Variants in AGPAT3 observed in about 807,000 individuals in gnomAD.
AGPAT3 encodes 1-acyl-sn-glycerol-3-phosphate acyltransferase gamma.
Under a neutral mutation model 47.3 loss-of-function variants are expected in AGPAT3, and 5 were observed. The ratio of observed to expected loss-of-function variants is 0.11; its 90% CI spans 0.06 to 0.22. AGPAT3 has a LOEUF of 0.22. Ranked by LOEUF, AGPAT3 falls within the 10% of genes least tolerant of loss-of-function variation. The pLI, the probability that AGPAT3 is intolerant of heterozygous loss-of-function variation, is 1.00. For missense variants in AGPAT3, 315 were observed against 493.0 expected (o/e 0.64, Z 3.42); for synonymous variants, 212 against 208.3 (o/e 1.02, Z -0.15).
intron 4 of AGPAT3, among the ~76,000 whole-genome samples, chr21:43,968,752 T>G (rs1033394460): frequency 1.3e-5 from 2 of 152,086 alleles, no homozygotes; most frequent in African/African-American, 4.8e-5. Flanking sequence ...TTCCGTTAGC[T>G]AAGCTGCCTC....
At chr21:43,923,942 C>T (rs1180623805) in intron 2 of AGPAT3, among the ~76,000 whole-genome samples, 2 of 152,198 alleles carry the variant, frequency 1.3e-5, no homozygotes, top group African/African-American at 2.4e-5. Flanking sequence ...CGCAAGTCTC[C>T]TGTCACTCAG....
intron 2 of AGPAT3, among the ~76,000 whole-genome samples, chr21:43,959,419 G>A (rs1205226741): frequency 1.4e-5 from 2 of 144,292 alleles, no homozygotes; most frequent in Non-Finnish European, 3.1e-5. Context: ...TGTGTGGTTT[G>A]TGGTGTGTGG....
At chr21:43,888,197 A>T (rs903914836) in intron 1 of AGPAT3, among the ~76,000 whole-genome samples, 2 of 151,682 alleles carry the variant, frequency 1.3e-5, no homozygotes, top group African/African-American at 2.4e-5. Flanking sequence ...ACACCACCAC[A>T]CCCAGCTAAT....
At chr21:43,980,541 G>A (rs938367479) in intron 8 of AGPAT3, among the ~76,000 whole-genome samples, 4 of 152,232 alleles carry the variant, frequency 2.6e-5, no homozygotes, top group Non-Finnish European at 5.9e-5. Context: ...CGAGGTATGC[G>A]AGGTTAAGGA....
chr21:43,968,424 G>A (rs1233837938), intron 4 of AGPAT3, among the ~76,000 whole-genome samples: 1 of 151,644 alleles, frequency 6.6e-6, no homozygotes, highest in Non-Finnish European at 1.5e-5. Flanking sequence ...GGCGGGTGCT[G>A]GGGTGAGCAA....
In AGPAT3 at chr21:43,932,337, C is replaced by T. The variant is rs987809176; in HGVS notation, c.-48-27297C>T. On this transcript the variant is annotated intron_variant, in intron 2 of 9. Transcript: ENST00000291572. The surrounding 1 kb of genome is among the most constrained non-coding windows in gnomAD (Gnocchi z 5.2). ...GGTGAGACCTCCGTTTCCGATTCCT[C>T]GTGTGAGTGAGGTCGTGCAGGACTT... Among the ~76,000 whole-genome samples the T allele has an allele frequency of 3.3e-5, 5 of 152,286 alleles. No individual in the cohort carries two copies. Among genetic ancestry groups the T allele is most frequent in the East Asian group, 1.9e-4 (1 of 5,188 alleles).
In AGPAT3 at chr21:43,986,526, G is replaced by A. The variant is rs2030315870; in HGVS notation, c.*4134G>A. 1 of 152,642 alleles carries A rather than the reference G, an allele frequency of 6.6e-6. No individual in the cohort carries two copies. Among genetic ancestry groups the A allele is most frequent in the Non-Finnish European group, 1.5e-5 (1 of 68,034 alleles). 9.5% of individuals were successfully genotyped at this position (152,642 alleles called of 1,614,324 possible). A position where few individuals can be genotyped will look rare whatever the true frequency, so the allele number is the denominator to read the frequency against. On this transcript the variant is annotated 3_prime_UTR_variant, in exon 10 of 10. Coordinates refer to ENST00000291572, the MANE Select transcript of AGPAT3 (RefSeq NM_020132.5). ...GTATTACATTAAACTGGAGTTACTT[G>A]ATACAATGAAGAAATGCATCTGATC...
chr21:43,949,614 A>G (rs1476550151), intron 2 of AGPAT3, among the ~76,000 whole-genome samples: 1 of 152,242 alleles, frequency 6.6e-6, no homozygotes, highest in East Asian at 1.9e-4. Context: ...ATGTCTTGGC[A>G]GGAGGAGCTG....
chr21:43,977,939 G>T, intron 7 of AGPAT3, 107 bp from the exon 8 acceptor site: 1 of 745,738 alleles, frequency 1.3e-6, no homozygotes, highest in East Asian at 2.8e-5. Flanking sequence ...GACAGAAGGA[G>T]TGGGGCCCAT....
At chr21:43,910,201 T>C (rs2086600021) in intron 2 of AGPAT3, among the ~76,000 whole-genome samples, 1 of 152,192 alleles carries the variant, frequency 6.6e-6, no homozygotes, top group Non-Finnish European at 1.5e-5. Context: ...CTGGCCTCTT[T>C]CTGGGGAGTG....
At chr21:43,941,112 C>G (rs2087639039) in intron 2 of AGPAT3, among the ~76,000 whole-genome samples, 1 of 152,130 alleles carries the variant, frequency 6.6e-6, no homozygotes, top group African/African-American at 2.4e-5. Flanking sequence ...CTGGGGGGAC[C>G]CAAAAACCCC....
intron 1 of AGPAT3, among the ~76,000 whole-genome samples, chr21:43,893,122 G>T (rs181000401): frequency 6.6e-6 from 1 of 152,326 alleles, no homozygotes; most frequent in African/African-American, 2.4e-5. Flanking sequence ...CTATTGTTGA[G>T]TGTGGCCACC....
intron 1 of AGPAT3, among the ~76,000 whole-genome samples, chr21:43,870,432 C>T (rs547932290): frequency 6.6e-6 from 1 of 151,986 alleles, no homozygotes; most frequent in African/African-American, 2.4e-5. Context: ...ATTATTGGGT[C>T]CCCGGGTGGT....
chr21:43,875,956 CT>C (rs965428828), intron 1 of AGPAT3, among the ~76,000 whole-genome samples: 24 of 150,994 alleles, frequency 1.6e-4, no homozygotes, highest in Admixed American at 4.0e-4. Flanking sequence ...TTTCTTTTTT[CT>C]TTTTTTTTGT....
chr21:43,978,611 T>G (rs771904744), intron 8 of AGPAT3, among the ~76,000 whole-genome samples: 14 of 152,232 alleles, frequency 9.2e-5, no homozygotes, highest in Admixed American at 3.3e-4. Context: ...ACCTGGTCCC[T>G]TCTTCTTAAT....
chr21:43,884,975 G>A (rs1029101468), intron 1 of AGPAT3, among the ~76,000 whole-genome samples: 3 of 152,192 alleles, frequency 2.0e-5, no homozygotes, highest in African/African-American at 7.2e-5. Context: ...TTTGTTTTTT[G>A]TCAAAAGCAT....
chr21:43,885,971 C>T (rs907076765), intron 1 of AGPAT3, among the ~76,000 whole-genome samples: 10 of 152,320 alleles, frequency 6.6e-5, no homozygotes, highest in Admixed American at 1.3e-4. Flanking sequence ...GAAGGTTGCC[C>T]GGTCAGGGGC....
rs538192456 is a variant in AGPAT3 at position 43,870,541 on chromosome 21, A to G, written c.-112+5196A>G. On this transcript the variant is annotated intron_variant, in intron 1 of 9. Transcript: ENST00000291572. ...AGACTGGCCAACATGATGAAACCCC[A>G]TCTCTACTTAAAAAAAAAAAAAAAC... Among the ~76,000 whole-genome samples the G allele has an allele frequency of 2.7e-3, 413 of 150,726 alleles. 2 individuals carry two copies. The highest frequency in any genetic ancestry group is 9.7e-3 in the African/African-American group (396 of 40,980).
chr21:43,937,574 T>G (rs145683056), intron 2 of AGPAT3, among the ~76,000 whole-genome samples: 2 of 152,240 alleles, frequency 1.3e-5, no homozygotes, highest in African/African-American at 4.8e-5. Flanking sequence ...TTTTGTTTTG[T>G]TTTTCTGGAG....
Sources: gnomAD v4.1 joint callset for allele counts (sites outside exome capture counted in the v4.1 genomes callset) on GRCh38, gnomAD v4.1.1 for gene constraint, Gnocchi (gnomAD v3.1) non-coding constraint, MANE v1.5 for transcripts, NCBI Gene and HGNC (gene_info 2026-07-23, HGNC 2026-07-21) for gene names.